The following SNAP25 variants were observed in gnomAD, a reference collection of about 807,000 sequenced individuals.
SNAP25 encodes synaptosome associated protein 25, also known as synaptosomal-associated protein 25.
Under a neutral mutation model 28.7 loss-of-function variants are expected in SNAP25, and 3 were observed. The observed-to-expected ratio is 0.10, with a 90% confidence interval of 0.05 to 0.27. The LOEUF is 0.27. Among genes scored for constraint, SNAP25 ranks in the 10% least tolerant of loss-of-function variants. The pLI is 1.00. For synonymous variants in SNAP25, 61 were observed against 88.1 expected (o/e 0.69, Z 1.72); for missense variants, 117 against 278.7 (o/e 0.42, Z 4.13).
chr20:10,246,411 A>G lies in SNAP25; in HGVS notation c.-64+27434A>G, dbSNP rs368815441. On this transcript the variant is annotated intron_variant, in intron 1 of 7. Transcript: ENST00000254976. ...TGCACTTACAAGGTTCTCCTTATCA[A>G]TGAAGACAGAATGATTGGCCGAGCC... Among the ~76,000 whole-genome samples, 26 of 152,356 alleles carry G rather than the reference A, an allele frequency of 1.7e-4. No homozygotes were observed. The East Asian group carries it at 4.2e-3, about 25-fold the overall frequency.
intron 1 of SNAP25, chr20:10,219,373 C>T (rs188274669): frequency 6.6e-6 from 1 of 152,248 alleles, no homozygotes; most frequent in Admixed American, 6.5e-5. Flanking sequence ...GTGCTATTAT[C>T]CAGGGAAGAA....
At chr20:10,302,506 A>G (rs931875634) in intron 7 of SNAP25, among the ~76,000 whole-genome samples, 1 of 152,210 alleles carries the variant, frequency 6.6e-6, no homozygotes, top group Non-Finnish European at 1.5e-5. Context: ...GTCACCTGGC[A>G]TGGTCTGAAG....
intron 1 of SNAP25, among the ~76,000 whole-genome samples, chr20:10,246,922 T>C (rs1427115649): frequency 6.6e-6 from 1 of 152,244 alleles, no homozygotes; most frequent in South Asian, 2.1e-4. Context: ...TAGGGGAAAG[T>C]TATTTAACTT....
chr20:10,272,574 G>A (rs1042406766), intron 1 of SNAP25, among the ~76,000 whole-genome samples: 2 of 152,128 alleles, frequency 1.3e-5, no homozygotes, highest in African/African-American at 4.8e-5. Flanking sequence ...CTGTTTTCTA[G>A]ATCCTAATTT....
In SNAP25 at chr20:10,299,232, C is replaced by A. The variant is rs368196083; in HGVS notation, c.408-36C>A. The A allele has an allele frequency of 2.7e-4, 428 of 1,608,794 alleles. 2 individuals carry two copies. The highest frequency in any genetic ancestry group is 1.6e-4 in the Middle Eastern group (1 of 6,066). On this transcript the variant is annotated intron_variant, in intron 6 of 7. Transcript: ENST00000254976. ...TCCTTGGTATTCAATATGTTTTCCA[C>A]CCTCTGTCTTCTAAAACTTGCTCTT...
chr20:10,302,959 A>AG (rs2064274829), intron 7 of SNAP25, among the ~76,000 whole-genome samples: 1 of 152,170 alleles, frequency 6.6e-6, no homozygotes, highest in African/African-American at 2.4e-5. Context: ...TTAAGGATAT[A>AG]CAGAGTAACC....
At chr20:10,251,825 A>C (rs370533572) in intron 1 of SNAP25, among the ~76,000 whole-genome samples, 51 of 152,340 alleles carry the variant, frequency 3.3e-4, no homozygotes, top group African/African-American at 1.2e-3. Flanking sequence ...CCTCCTAGAA[A>C]GTGAATTTAT....
chr20:10,222,756 G>GA (rs981025300), intron 1 of SNAP25, among the ~76,000 whole-genome samples: 15 of 151,916 alleles, frequency 9.9e-5, no homozygotes, highest in African/African-American at 3.4e-4. Context: ...GATGGTTAAT[G>GA]AAAAAAAATC....
intron 1 of SNAP25, among the ~76,000 whole-genome samples, chr20:10,234,597 G>T (rs2122691603): frequency 6.6e-6 from 1 of 152,264 alleles, no homozygotes; most frequent in Non-Finnish European, 1.5e-5. Flanking sequence ...GCTTACAAAA[G>T]TTGTGCAATT....
At chr20:10,257,652 A>G (rs1200141342) in intron 1 of SNAP25, among the ~76,000 whole-genome samples, 1 of 151,168 alleles carries the variant, frequency 6.6e-6, no homozygotes, top group Admixed American at 6.6e-5. Context: ...CAGAGGTTGC[A>G]GTGAGCCGAG....
intron 1 of SNAP25, among the ~76,000 whole-genome samples, chr20:10,269,949 A>T (rs1568604358): frequency 6.6e-6 from 1 of 151,884 alleles, no homozygotes; most frequent in Non-Finnish European, 1.5e-5. Context: ...CTTGTTTCCC[A>T]CTCTATATAA....
intron 4 of SNAP25, among the ~76,000 whole-genome samples, chr20:10,292,696 G>C (rs145547943): frequency 6.6e-6 from 1 of 152,152 alleles, no homozygotes; most frequent in Admixed American, 6.6e-5. Context: ...TTTGAGCATC[G>C]TTTGGTTTGT....
At chr20:10,229,495 T>G (rs2062789054) in intron 1 of SNAP25, among the ~76,000 whole-genome samples, 1 of 152,158 alleles carries the variant, frequency 6.6e-6, no homozygotes, top group African/African-American at 2.4e-5. Context: ...TCTGTGCTCC[T>G]AAGCTGCATT....
rs958711328 is a variant in SNAP25, at chr20:10,264,918, C to CT, written c.-63-10492dup. ...TGATGCAAGGAGATCTCAGACCATG[C>CT]TTTTTTTTTTTTTTTTTTTCTGAGA... On this transcript the variant is annotated intron_variant, in intron 1 of 7. Transcript: ENST00000254976. Among the ~76,000 whole-genome samples, 1,075 of 117,084 alleles carry CT rather than the reference C, an allele frequency of 9.2e-3. 31 individuals carry two copies. Among genetic ancestry groups the CT allele is most frequent in the Admixed American group, 0.04 (446 of 11,202 alleles). 76.8% of individuals were successfully genotyped at this position (117,084 alleles called of 152,430 possible).
chr20:10,276,227 A>G (rs1200314783), intron 2 of SNAP25, among the ~76,000 whole-genome samples: 1 of 152,172 alleles, frequency 6.6e-6, no homozygotes, highest in Non-Finnish European at 1.5e-5. Context: ...AGGCAGGAGG[A>G]TCGCATAGGC....
Position 10,305,912 on chromosome 20 carries a change from C to T in SNAP25, c.553-217C>T, listed in dbSNP as rs73896517. Among the ~76,000 whole-genome samples the T allele has an allele frequency of 0.015, 2,262 of 151,080 alleles. 59 individuals carry two copies. The highest frequency in any genetic ancestry group is 0.052 in the African/African-American group (2,154 of 41,084). On this transcript the variant is annotated intron_variant, in intron 7 of 7. Coordinates refer to ENST00000254976, the MANE Select transcript of SNAP25 (RefSeq NM_130811.4). ...AGCAATGATTCTGAAAAAATATATT[C>T]GTTCATTAAAAAAAAAAAATGAAAA...
At chr20:10,220,468 G>A (rs941327138) in intron 1 of SNAP25, among the ~76,000 whole-genome samples, 6 of 152,164 alleles carry the variant, frequency 3.9e-5, no homozygotes, top group African/African-American at 1.4e-4. Context: ...GGTAATGCAG[G>A]TAAAGAACCA....
chr20:10,297,015 G>A lies in SNAP25; in HGVS notation c.372G>A (p.Arg124=), dbSNP rs2064127489. The A allele has an allele frequency of 1.2e-6, 2 of 1,609,182 alleles. No individual in the cohort carries two copies. The highest frequency in any genetic ancestry group is 1.3e-5 in the African/African-American group (1 of 74,770). ...AGCCTGCTCGTGTAGTGGACGAACG[G>A]GAGCAGATGGCCATCAGTGGCGGCT... ...ASQPARVVDE[R]EQMAISGGFI... The change falls in exon 6 of 8, where the codon CGG becomes CGA. Residue 124 remains arginine (R), a synonymous_variant. Coordinates refer to ENST00000254976, the MANE Select transcript of SNAP25 (RefSeq NM_130811.4).
intron 1 of SNAP25, among the ~76,000 whole-genome samples, chr20:10,263,194 T>C (rs1200203166): frequency 6.6e-6 from 1 of 151,858 alleles, no homozygotes; most frequent in Non-Finnish European, 1.5e-5. Context: ...AATTTTTTTG[T>C]ATTTTTGGTA....
Sources: allele counts gnomAD v4.1 joint callset (sites outside exome capture counted in the v4.1 genomes callset), GRCh38; gene constraint gnomAD v4.1.1; transcripts MANE v1.5; gene names NCBI Gene and HGNC (gene_info 2026-07-23, HGNC 2026-07-21).